COX15: variants seen among roughly 807,000 people sequenced by gnomAD.
The protein encoded by COX15 is cytochrome c oxidase assembly factor COX15.
In COX15, 51 loss-of-function variants were observed where a neutral mutation model predicts 51.9. The observed-to-expected ratio is 0.98, with a 90% CI of 0.78 to 1.24. COX15 has a LOEUF of 1.24. Among genes scored for constraint, COX15 ranks in the 50% most tolerant of loss-of-function variants. The pLI is 0.00. For missense variants in COX15, 420 were observed against 501.1 expected, an observed-to-expected ratio of 0.84 and a Z score of 1.55; for synonymous variants, 188 against 190.5, an observed-to-expected ratio of 0.99 and a Z score of 0.11.
Position 99,729,754 on chromosome 10 carries a change from A to G in COX15, c.91-20T>C. On this transcript the variant is annotated intron_variant, in intron 1 of 8. Transcript: ENST00000016171. ...ATCACACTAAAGATCAAGATAGACA[A>G]ATTACAACTGGAGAAACAGGGAATG... The G allele has an allele frequency of 1.2e-6, 2 of 1,613,494 alleles. No homozygotes were observed. Among genetic ancestry groups the G allele is most frequent in the Admixed American group, 1.7e-5 (1 of 60,014 alleles).
chr10:99,724,097 T>G lies in COX15; in HGVS notation c.609A>C (p.Lys203Asn), dbSNP rs776002673. 1 of 1,614,114 alleles carries G rather than the reference T, an allele frequency of 6.2e-7. No individual in the cohort carries two copies. The highest frequency in any genetic ancestry group is 2.2e-5 in the East Asian group (1 of 44,874). Residue 203 changes from lysine (K) to asparagine (N), a missense_variant, in exon 5 of 9, where the codon AAA becomes AAC. By Grantham distance (94) the Lys-to-Asn change is moderately conservative (BLOSUM62 0). Transcript: ENST00000016171. ...AGTCTGATTTTTCTTCTAGTCCACTTTTCACCATATACCATCCCAACAGAC... is the reference window on the plus strand; with the variant it reads ...AGTCTGATTTTTCTTCTAGTCCACTGTTCACCATATACCATCCCAACAGAC... ...FQGLLGWYMV[K>N]SGLEEKSDSH...
chr10:99,712,771 A>C lies in COX15; in HGVS notation c.*1816T>G, dbSNP rs753229745. ...TGTCTCCATCAGCCTGACCCCAGTGAGCATTTGATTTGGTCTACCCTACTC... is the reference window on the plus strand; with the variant it reads ...TGTCTCCATCAGCCTGACCCCAGTGCGCATTTGATTTGGTCTACCCTACTC... On this transcript the variant is annotated 3_prime_UTR_variant, in exon 9 of 9. Coordinates refer to ENST00000016171, the MANE Select transcript of COX15 (RefSeq NM_078470.6). 41 of 358,078 alleles carry C rather than the reference A, an allele frequency of 1.1e-4. No homozygotes were observed. Among genetic ancestry groups the C allele is most frequent in the Non-Finnish European group, 1.5e-4 (38 of 256,380 alleles). 22.2% of individuals were successfully genotyped at this position (358,078 alleles called of 1,614,324 possible).
chr10:99,720,574 T>C (rs1459162451), intron 6 of COX15, among the ~76,000 whole-genome samples: 3 of 152,238 alleles, frequency 2.0e-5, no homozygotes, highest in African/African-American at 7.2e-5. Context: ...AATGTTTATA[T>C]ATAGTAACAG....
downstream of COX15, chr10:99,710,264 A>G: frequency 3.0e-6 from 3 of 985,418 alleles, no homozygotes; most frequent in Non-Finnish European, 2.4e-6. Context: ...TTTTTCTGCA[A>G]GCAGGGATCC....
At position 99,713,335 on chromosome 10, in the gene COX15, G is replaced by A. The variant is rs549605625; in HGVS notation, c.*1252C>T. 4.4e-5 allele frequency: 70 copies of A among 1,608,674 alleles called. 1 individual carries two copies. Among genetic ancestry groups the A allele is most frequent in the African/African-American group, 2.9e-4 (22 of 74,848 alleles). ...TTTCTAATCTGTTTAATTTCATCTC[G>A]ATGGGGTCATTCTGGGACTGTTTTC... On this transcript the variant is annotated 3_prime_UTR_variant, in exon 9 of 9. Transcript: ENST00000016171.
chr10:99,708,453 G>C (rs2036294438), downstream of COX15, among the ~76,000 whole-genome samples: 1 of 152,118 alleles, frequency 6.6e-6, no homozygotes, highest in Non-Finnish European at 1.5e-5. Context: ...TTCTAGTTCT[G>C]GCTTTGTCAT....
intron 2 of COX15, 52 bp from the exon 3 acceptor site, chr10:99,727,615 CA>C: frequency 1.2e-6 from 2 of 1,601,060 alleles, no homozygotes; most frequent in Non-Finnish European, 8.5e-7. Flanking sequence ...GGATTACTCA[CA>C]AAAGGTTTAT....
At chr10:99,706,927 ATGAACT>A (rs1018071631), downstream of COX15, among the ~76,000 whole-genome samples, 2 of 152,218 alleles carry the variant, frequency 1.3e-5, no homozygotes, top group African/African-American at 4.8e-5. Flanking sequence ...TGTGCTAAAA[ATGAACT>A]TGAAACACGG....
At chr10:99,709,097 A>T, downstream of COX15, 2 of 981,656 alleles carry the variant, frequency 2.0e-6, no homozygotes, top group Non-Finnish European at 2.4e-6. Flanking sequence ...TTTTTAAAAC[A>T]ATTTTATACA....
At chr10:99,726,901 A>AC (rs2036970464) in intron 4 of COX15, 67 bp downstream of exon 4, 4 of 1,488,746 alleles carry the variant, frequency 2.7e-6, no homozygotes, top group South Asian at 1.2e-5. Flanking sequence ...AAAAAAAAAA[A>AC]AAAAACAATG....
At chr10:99,704,474 C>T in the COX15 span, 9 of 1,614,194 alleles carry the variant, frequency 5.6e-6, no homozygotes, top group Admixed American at 6.7e-5. Context: ...GGAAGGTGTC[C>T]GACAAGCCCA....
chr10:99,694,768 C>A, the COX15 span, among the ~76,000 whole-genome samples: 1 of 152,100 alleles, frequency 6.6e-6, no homozygotes, highest in Non-Finnish European at 1.5e-5. Context: ...AACTCCTGGC[C>A]TCAAGTGATC....
In COX15 at chr10:99,727,554, C is replaced by G; in HGVS notation, c.282G>C (p.Glu94Asp). 6.2e-7 allele frequency: 1 copy of G among 1,613,582 alleles called. No homozygotes were observed. Among genetic ancestry groups the G allele is most frequent in the Non-Finnish European group, 8.5e-7 (1 of 1,180,022 alleles). Residue 94 changes from glutamate to aspartate, a missense_variant, in exon 3 of 9, where the codon GAG (glutamate) becomes GAC (aspartate). By Grantham distance (45) the Glu-to-Asp change is conservative. Transcript: ENST00000016171. ...VILGGVTRLT[E>D]SGLSMVDWHL... The stretch of plus-strand genomic sequence containing the variant: ...GCCAATCTACCATCGAGAGGCCAGA[C>G]TCTGTCAACCTTAGGATAGGAAAGA...
intron 1 of COX15, among the ~76,000 whole-genome samples, chr10:99,731,361 C>T (rs1319015085): frequency 1.3e-5 from 2 of 152,210 alleles, no homozygotes; most frequent in African/African-American, 4.8e-5. Flanking sequence ...AATAAACTGA[C>T]TTCCTCCAGG....
At chr10:99,729,476 AAAAT>A (rs375974017) in intron 2 of COX15, 73 bp downstream of exon 2, 6 of 1,259,874 alleles carry the variant, frequency 4.8e-6, no homozygotes, top group Non-Finnish European at 5.6e-6. Flanking sequence ...AAAAAAAAAA[AAAAT>A]CCTTTCTCCT....
chr10:99,724,835 T>C (rs912876095), intron 4 of COX15, among the ~76,000 whole-genome samples: 1 of 152,000 alleles, frequency 6.6e-6, no homozygotes, highest in African/African-American at 2.4e-5. Context: ...TACTGTCAAG[T>C]TAGGTTGGAA....
chr10:99,727,218 A>G, intron 3 of COX15, 64 bp from the exon 4 acceptor site: 1 of 1,575,284 alleles, frequency 6.3e-7, no homozygotes, highest in Admixed American at 1.7e-5. Flanking sequence ...TTATTTTCTT[A>G]CGGAATGCAA....
In COX15 at chr10:99,712,286, C is replaced by T. The variant is rs79573437; in HGVS notation, c.*2301G>A. 2.5e-5 allele frequency: 25 copies of T among 985,278 alleles called. No individual in the cohort carries two copies. Among genetic ancestry groups the T allele is most frequent in the Non-Finnish European group, 2.9e-5 (24 of 829,910 alleles). 61.0% of individuals were successfully genotyped at this position (985,278 alleles called of 1,614,324 possible). ...ACTGGAGTTGAAAGAGAACTGAGATCACCTAGTTCAGAGACTAACGGGAAA... is the reference window on the plus strand; with the variant it reads ...ACTGGAGTTGAAAGAGAACTGAGATTACCTAGTTCAGAGACTAACGGGAAA... On this transcript the variant is annotated 3_prime_UTR_variant, in exon 9 of 9. Coordinates refer to ENST00000016171, the MANE Select transcript of COX15 (RefSeq NM_078470.6).
At chr10:99,728,753 AC>A (rs1376825853) in intron 2 of COX15, among the ~76,000 whole-genome samples, 1 of 152,228 alleles carries the variant, frequency 6.6e-6, no homozygotes. Context: ...TAAATATCAC[AC>A]AGTTATGCAG....
Sources: allele counts gnomAD v4.1 joint callset (sites outside exome capture counted in the v4.1 genomes callset), GRCh38; gene constraint gnomAD v4.1.1; transcripts MANE v1.5; gene names NCBI Gene and HGNC (gene_info 2026-07-23, HGNC 2026-07-21).